FAM120B: variants seen among roughly 807,000 people sequenced by gnomAD.
The protein encoded by FAM120B is constitutive coactivator of peroxisome proliferator-activated receptor gamma.
FAM120B carries 83 observed loss-of-function variants against 96.3 expected under a neutral mutation model. The observed-to-expected ratio is 0.86, with a 90% CI of 0.72 to 1.03. The LOEUF is 1.03. Ranked by LOEUF, FAM120B falls within the 50% of genes least tolerant of loss-of-function variation. The pLI is 0.00. For missense variants in FAM120B, 1,027 were observed against 1,121.2 expected (o/e 0.92, Z 1.20); for synonymous variants, 407 against 402.7 (o/e 1.01, Z -0.13).
At chr6:170,339,242 A>G (rs1028551305) in intron 4 of FAM120B, among the ~76,000 whole-genome samples, 7 of 152,174 alleles carry the variant, frequency 4.6e-5, no homozygotes, top group Admixed American at 2.6e-4. Context: ...CTTGTCTGTA[A>G]AGGATTTTAT....
upstream of FAM120B, among the ~76,000 whole-genome samples, chr6:170,302,520 A>G (rs1784163984): frequency 1.3e-5 from 2 of 152,202 alleles, no homozygotes; most frequent in South Asian, 2.1e-4. Flanking sequence ...AAAACTGCAA[A>G]TACATCTTGC....
chr6:170,334,547 GGTGTGT>G (rs10560646), intron 4 of FAM120B, among the ~76,000 whole-genome samples: 2,155 of 149,786 alleles, frequency 0.014, 40 homozygotes, highest in African/African-American at 0.048. Flanking sequence ...AAAGGAAGCT[GGTGTGT>G]GTGTGTGTGT....
intron 4 of FAM120B, among the ~76,000 whole-genome samples, chr6:170,345,919 A>G (rs1021707331): frequency 1.3e-5 from 2 of 152,258 alleles, no homozygotes; most frequent in East Asian, 1.9e-4. Flanking sequence ...TGAGAACATC[A>G]TAGAATGTAC....
intron 6 of FAM120B, among the ~76,000 whole-genome samples, chr6:170,362,050 T>A (rs1268512214): frequency 6.6e-6 from 1 of 152,234 alleles, no homozygotes; most frequent in Non-Finnish European, 1.5e-5. Context: ...CACCTCAGCC[T>A]CTGAAAGTGC....
At chr6:170,338,979 A>G (rs1786633279) in intron 4 of FAM120B, among the ~76,000 whole-genome samples, 1 of 151,794 alleles carries the variant, frequency 6.6e-6, no homozygotes. Flanking sequence ...TCGTTATCCA[A>G]ATTGCCAGTC....
At chr6:170,391,181 A>C (rs1214468927) in intron 8 of FAM120B, 60 bp downstream of exon 8, 1 of 1,106,418 alleles carries the variant, frequency 9.0e-7, no homozygotes, top group East Asian at 2.4e-5. Context: ...CTGCTTCCTG[A>C]GTTTTGTTGA....
chr6:170,328,322 T>C lies in FAM120B; in HGVS notation c.1916-2127T>C, dbSNP rs938876892. On this transcript the variant is annotated intron_variant, in intron 3 of 10. Transcript: ENST00000476287. The stretch of plus-strand genomic sequence containing the variant: ...ACAAGCACGCACATTAGTCTAGGAC[T>C]CCACGGGGTCAGGATCATCAAGGCT... Among the ~76,000 whole-genome samples the C allele has an allele frequency of 4.6e-5, 7 of 152,338 alleles. No individual in the cohort carries two copies. The East Asian group carries it at 1.3e-3, about 29-fold the overall frequency.
intron 2 of FAM120B, 117 bp downstream of exon 2, chr6:170,319,241 G>T: frequency 1.1e-6 from 1 of 952,144 alleles, no homozygotes; most frequent in Non-Finnish European, 1.5e-6. Context: ...CACAACAGGA[G>T]TCTCTAAGTC....
intron 6 of FAM120B, among the ~76,000 whole-genome samples, chr6:170,359,065 T>C (rs1019144325): frequency 2.0e-5 from 3 of 152,088 alleles, no homozygotes; most frequent in Admixed American, 2.0e-4. Context: ...GTTTTTCTAA[T>C]GGAAAAAACT....
intron 6 of FAM120B, among the ~76,000 whole-genome samples, chr6:170,379,267 C>T (rs1289737238): frequency 6.6e-6 from 1 of 152,190 alleles, no homozygotes; most frequent in East Asian, 1.9e-4. Flanking sequence ...AGTAATAATA[C>T]AGCACCTGTG....
upstream of FAM120B, among the ~76,000 whole-genome samples, chr6:170,302,714 C>T (rs1233650262): frequency 6.6e-6 from 1 of 152,162 alleles, no homozygotes; most frequent in African/African-American, 2.4e-5. Context: ...CTATGTTTCT[C>T]TTTTATGTAA....
chr6:170,400,297 G>C (rs995170582), intron 9 of FAM120B, among the ~76,000 whole-genome samples: 1 of 152,104 alleles, frequency 6.6e-6, no homozygotes, highest in South Asian at 2.1e-4. Flanking sequence ...AGGAGTGAGT[G>C]GGGAAGGTAG....
chr6:170,321,058 G>A (rs1583195980), intron 2 of FAM120B, among the ~76,000 whole-genome samples: 1 of 152,214 alleles, frequency 6.6e-6, no homozygotes, highest in Non-Finnish European at 1.5e-5. Context: ...TGTTGGGGAA[G>A]GCAGGGTCAA....
intron 4 of FAM120B, among the ~76,000 whole-genome samples, chr6:170,338,569 C>T (rs748474386): frequency 6.6e-6 from 1 of 152,052 alleles, no homozygotes; most frequent in Non-Finnish European, 1.5e-5. Flanking sequence ...GAGTTGAGTT[C>T]AGAATATCCT....
chr6:170,330,373 A>G (rs1785932766), intron 3 of FAM120B, 76 bp from the exon 4 acceptor site: 2 of 1,135,222 alleles, frequency 1.8e-6, no homozygotes, highest in East Asian at 4.8e-5. Context: ...CCACCTGGGC[A>G]GAGCTGGGTC....
At chr6:170,299,537 C>G (rs374502098) in intron 1 of FAM120B, among the ~76,000 whole-genome samples, 1 of 152,318 alleles carries the variant, frequency 6.6e-6, no homozygotes, top group South Asian at 2.1e-4. Flanking sequence ...CTAGGCTCAC[C>G]TCATTTGTTT....
intron 4 of FAM120B, among the ~76,000 whole-genome samples, chr6:170,334,821 T>C (rs1786304285): frequency 6.6e-6 from 1 of 152,216 alleles, no homozygotes; most frequent in Admixed American, 6.5e-5. Flanking sequence ...CTTTCACTGT[T>C]GAATGCATTA....
intron 6 of FAM120B, among the ~76,000 whole-genome samples, chr6:170,386,279 A>C (rs1057251963): frequency 6.6e-5 from 10 of 152,218 alleles, no homozygotes; most frequent in African/African-American, 2.4e-4. Flanking sequence ...TTCTAAAAAC[A>C]TAAAGTCCTT....
chr6:170,347,320 C>G (rs992226992), intron 4 of FAM120B, among the ~76,000 whole-genome samples: 3 of 152,150 alleles, frequency 2.0e-5, no homozygotes, highest in African/African-American at 7.2e-5. Context: ...GACATCTCAG[C>G]AGTCACAGAT....
Sources: allele counts gnomAD v4.1 joint callset (sites outside exome capture counted in the v4.1 genomes callset), GRCh38; gene constraint gnomAD v4.1.1; transcripts MANE v1.5; gene names NCBI Gene and HGNC (gene_info 2026-07-23, HGNC 2026-07-21).